NAA15: variants seen among roughly 807,000 people sequenced by gnomAD.
NAA15 encodes N-terminal acetyltransferase.
In NAA15, 34 loss-of-function variants were observed where a neutral mutation model predicts 114.0. The observed-to-expected ratio is 0.30, with a 90% CI of 0.23 to 0.40. NAA15 has a LOEUF of 0.40. Among genes scored for constraint, NAA15 ranks in the 10% least tolerant of loss-of-function variants. The pLI is 1.00. For synonymous variants in NAA15, 340 were observed against 338.0 expected (o/e 1.01, Z -0.06); for missense variants, 658 against 1,004.5 (o/e 0.66, Z 4.66).
intron 1 of NAA15, among the ~76,000 whole-genome samples, chr4:139,316,124 A>G (rs901510291): frequency 1.3e-5 from 2 of 151,798 alleles, no homozygotes; most frequent in Admixed American, 6.6e-5. Context: ...TCTTTTCTTG[A>G]AGTTCTCAAT....
At chr4:139,344,052 A>T in intron 5 of NAA15, 134 bp from the exon 6 acceptor site, 1 of 651,490 alleles carries the variant, frequency 1.5e-6, no homozygotes, top group Non-Finnish European at 2.5e-6. Context: ...GTAGATACTT[A>T]AGAATTTTTT....
At position 139,301,742 on chromosome 4, in the gene NAA15, C is replaced by T. The variant is rs1160303911; in HGVS notation, c.-36C>T. The T allele has an allele frequency of 3.2e-6, 5 of 1,545,556 alleles. No individual in the cohort carries two copies. The highest frequency in any genetic ancestry group is 1.9e-5 in the Admixed American group (1 of 51,988). The stretch of plus-strand genomic sequence containing the variant: ...GGTCGGACAAACTGACTGACCGAGC[C>T]GGGTGGTGGCGGGAGCAGCGGGAGC... On this transcript the variant is annotated 5_prime_UTR_variant, in exon 1 of 20. Transcript: ENST00000296543.
chr4:139,303,666 G>A (rs1336738536), intron 1 of NAA15, among the ~76,000 whole-genome samples: 1 of 152,132 alleles, frequency 6.6e-6, no homozygotes, highest in Non-Finnish European at 1.5e-5. Context: ...GCATGGTGGT[G>A]TTCGCCTGTA....
At chr4:139,346,963 G>C (rs1015830598) in intron 6 of NAA15, among the ~76,000 whole-genome samples, 31 of 152,104 alleles carry the variant, frequency 2.0e-4, no homozygotes, top group Non-Finnish European at 3.7e-4. Context: ...TATTTTAGAG[G>C]TGAGGTCTTG....
At chr4:139,349,368 T>A in intron 6 of NAA15, 94 bp from the exon 7 acceptor site, 9 of 1,173,052 alleles carry the variant, frequency 7.7e-6, no homozygotes, top group Non-Finnish European at 1.2e-6. Flanking sequence ...TGATTTATAA[T>A]GAGATTTTAA....
chr4:139,328,246 G>C (rs1366540524), intron 1 of NAA15, among the ~76,000 whole-genome samples: 1 of 152,022 alleles, frequency 6.6e-6, no homozygotes, highest in Non-Finnish European at 1.5e-5. Context: ...TCGCTCTGTT[G>C]CCCATGCTGG....
Position 139,361,927 on chromosome 4 carries a change from A to T in NAA15, c.1743A>T (p.Glu581Asp). The change falls in exon 14 of 20, where the codon GAA (glutamate) becomes GAT (aspartate). Residue 581 changes from glutamate to aspartate, a missense_variant. By Grantham distance (45) the Glu-to-Asp change is conservative. Coordinates refer to ENST00000296543, the MANE Select transcript of NAA15 (RefSeq NM_057175.5). ...NPLTDENKEH[E>D]ADTANMSDKE... ...TTACAGATGAGAATAAAGAACACGA[A>T]GCTGATACAGGTATAATATTCAGAG... 6.2e-7 allele frequency: 1 copy of T among 1,606,814 alleles called. No individual in the cohort carries two copies. The highest frequency in any genetic ancestry group is 1.4e-5 in the African/African-American group (1 of 73,182).
chr4:139,328,203 AATTTT>A (rs1746869733), intron 1 of NAA15, among the ~76,000 whole-genome samples: 1 of 151,620 alleles, frequency 6.6e-6, no homozygotes, highest in Non-Finnish European at 1.5e-5. Context: ...TTGAAATTAA[AATTTT>A]ATTTTATTAG....
At chr4:139,379,939 G>A (rs1188336536) in intron 17 of NAA15, among the ~76,000 whole-genome samples, 2 of 152,112 alleles carry the variant, frequency 1.3e-5, no homozygotes, top group Non-Finnish European at 1.5e-5. Context: ...CAGCTATTCA[G>A]GAGGGTGAGG....
intron 1 of NAA15, among the ~76,000 whole-genome samples, chr4:139,310,664 C>A (rs1006290688): frequency 2.0e-5 from 3 of 151,566 alleles, no homozygotes; most frequent in African/African-American, 7.3e-5. Flanking sequence ...TGTCACTCAG[C>A]CTAGCATGCA....
intron 17 of NAA15, 108 bp downstream of exon 17, chr4:139,378,962 C>T (rs1226341831): frequency 3.0e-6 from 2 of 677,450 alleles, no homozygotes; most frequent in Non-Finnish European, 4.8e-6. Flanking sequence ...AAAGCTGTCA[C>T]ATACTAAATT....
At chr4:139,305,375 G>A (rs1331315213) in intron 1 of NAA15, among the ~76,000 whole-genome samples, 2 of 151,978 alleles carry the variant, frequency 1.3e-5, no homozygotes, top group African/African-American at 4.8e-5. Flanking sequence ...TGACCAAAAG[G>A]ATAGTATTGA....
intron 1 of NAA15, among the ~76,000 whole-genome samples, chr4:139,329,898 C>T (rs1746943842): frequency 1.3e-5 from 2 of 152,096 alleles, no homozygotes; most frequent in Non-Finnish European, 2.9e-5. Flanking sequence ...GATCCTTCTT[C>T]CTGTGCTGTG....
chr4:139,361,060 T>A (rs982788068), intron 13 of NAA15, among the ~76,000 whole-genome samples: 1 of 152,186 alleles, frequency 6.6e-6, no homozygotes, highest in Non-Finnish European at 1.5e-5. Flanking sequence ...TCATGCTGTT[T>A]GATAAAATTG....
intron 1 of NAA15, among the ~76,000 whole-genome samples, chr4:139,318,215 T>C (rs899124766): frequency 6.6e-6 from 1 of 152,172 alleles, no homozygotes; most frequent in African/African-American, 2.4e-5. Context: ...TGAGACTGAG[T>C]ATTTATTACC....
At chr4:139,313,085 G>A (rs1746273048) in intron 1 of NAA15, among the ~76,000 whole-genome samples, 2 of 151,822 alleles carry the variant, frequency 1.3e-5, no homozygotes, top group Admixed American at 1.3e-4. Flanking sequence ...AGGAGATTAT[G>A]TAAACATTCC....
intron 1 of NAA15, among the ~76,000 whole-genome samples, chr4:139,313,465 T>C (rs1008304167): frequency 1.3e-5 from 2 of 152,052 alleles, no homozygotes; most frequent in South Asian, 2.1e-4. Flanking sequence ...TTAGCTGATA[T>C]AAACTTTGTG....
chr4:139,323,064 T>C (rs1746676479), intron 1 of NAA15, among the ~76,000 whole-genome samples: 1 of 148,332 alleles, frequency 6.7e-6, no homozygotes, highest in Non-Finnish European at 1.5e-5. Context: ...TTTTTTTTTT[T>C]TTTTTTTTTG....
At chr4:139,369,135 A>G (rs750248396) in intron 14 of NAA15, among the ~76,000 whole-genome samples, 3 of 152,224 alleles carry the variant, frequency 2.0e-5, no homozygotes, top group Non-Finnish European at 2.9e-5. Flanking sequence ...CAAAGAGCTC[A>G]TAGCTTAAAA....
Sources: allele counts gnomAD v4.1 joint callset (sites outside exome capture counted in the v4.1 genomes callset), GRCh38; gene constraint gnomAD v4.1.1; transcripts MANE v1.5; gene names NCBI Gene and HGNC (gene_info 2026-07-23, HGNC 2026-07-21).